Variants in CAMK1D observed in about 807,000 individuals in gnomAD.
The protein encoded by CAMK1D is calcium/calmodulin-dependent protein kinase type 1D.
In CAMK1D, 9 loss-of-function variants were observed where a neutral mutation model predicts 47.7. The observed-to-expected ratio is 0.19, with a 90% confidence interval of 0.11 to 0.33. The LOEUF is 0.33. Ranked by LOEUF, CAMK1D falls within the 10% of genes least tolerant of loss-of-function variation. CAMK1D has a pLI of 1.00. For missense variants in CAMK1D, 291 were observed against 488.7 expected (o/e 0.60, Z 3.81); for synonymous variants, 184 against 184.9 (o/e 0.99, Z 0.04).
intron 1 of CAMK1D, 33 bp downstream of exon 1, chr10:12,349,943 T>C: frequency 1.4e-6 from 2 of 1,385,862 alleles, no homozygotes; most frequent in Non-Finnish European, 2.0e-6. Flanking sequence ...AGGGTGGAGG[T>C]GGCCGCGGCA....
intron 1 of CAMK1D, among the ~76,000 whole-genome samples, chr10:12,507,417 T>C (rs530174087): frequency 7.2e-5 from 11 of 152,236 alleles, no homozygotes; most frequent in Non-Finnish European, 1.5e-4. Flanking sequence ...TAATTTCTGT[T>C]AATCAGATGG....
chr10:12,832,421 A>G lies in CAMK1D; in HGVS notation c.*3534A>G, dbSNP rs1757065. 27,184 of 152,152 alleles carry G rather than the reference A, an allele frequency of 0.18. 2,561 individuals carry two copies. Among genetic ancestry groups the G allele is most frequent in the African/African-American group, 0.22 (9,174 of 41,452 alleles). The allele number at this position is 152,152 out of a possible 1,614,324, so 9.4% of individuals were successfully genotyped here. ...GCAGGGCACACCTAGGAGAAGCTCA[A>G]TGACCACCAAAGCCCTTGAGGAGAG... On this transcript the variant is annotated 3_prime_UTR_variant, in exon 11 of 11. Coordinates refer to ENST00000619168, the MANE Select transcript of CAMK1D (RefSeq NM_153498.4).
chr10:12,595,957 G>A (rs565695503), intron 2 of CAMK1D, among the ~76,000 whole-genome samples: 1 of 151,948 alleles, frequency 6.6e-6, no homozygotes, highest in East Asian at 1.9e-4. Flanking sequence ...GTCTCTGCTT[G>A]GGGGAGAGTC....
intron 1 of CAMK1D, among the ~76,000 whole-genome samples, chr10:12,433,068 G>A (rs890604916): frequency 1.5e-4 from 23 of 152,314 alleles, no homozygotes; most frequent in African/African-American, 5.3e-4. Flanking sequence ...CAGGTGGGGC[G>A]TGAATTACAT....
At chr10:12,663,022 C>A (rs1588752466) in intron 2 of CAMK1D, among the ~76,000 whole-genome samples, 1 of 152,168 alleles carries the variant, frequency 6.6e-6, no homozygotes, top group Admixed American at 6.5e-5. Context: ...AGTGCAATGG[C>A]ACGATCTCAG....
At chr10:12,800,931 T>C (rs1212793328) in intron 6 of CAMK1D, among the ~76,000 whole-genome samples, 1 of 152,150 alleles carries the variant, frequency 6.6e-6, no homozygotes, top group Admixed American at 6.5e-5. Flanking sequence ...TGGTTGTTAG[T>C]GGGTGGTTCT....
At chr10:12,694,121 C>T (rs190569500) in intron 3 of CAMK1D, among the ~76,000 whole-genome samples, 87 of 12,998 alleles carry the variant, frequency 6.7e-3, no homozygotes, top group East Asian at 0.011. Flanking sequence ...ATATATTATG[C>T]ATAATATATA....
At chr10:12,537,291 C>T (rs552908333) in intron 1 of CAMK1D, among the ~76,000 whole-genome samples, 4 of 152,314 alleles carry the variant, frequency 2.6e-5, no homozygotes, top group East Asian at 3.9e-4. Flanking sequence ...AGGCTGGTCT[C>T]GAACTCCTGA....
intron 3 of CAMK1D, among the ~76,000 whole-genome samples, chr10:12,725,001 C>G (rs1398183072): frequency 1.3e-5 from 2 of 152,216 alleles, no homozygotes; most frequent in African/African-American, 4.8e-5. Context: ...TTTCAACAAT[C>G]TAAACTTCAC....
chr10:12,435,020 C>T (rs976716205), intron 1 of CAMK1D, among the ~76,000 whole-genome samples: 6 of 151,964 alleles, frequency 3.9e-5, no homozygotes, highest in Admixed American at 1.3e-4. Flanking sequence ...GAGTTCGAGA[C>T]CATCCTGGCC....
intron 6 of CAMK1D, among the ~76,000 whole-genome samples, chr10:12,805,753 G>A (rs1838700867): frequency 6.6e-6 from 1 of 152,222 alleles, no homozygotes; most frequent in Admixed American, 6.5e-5. Context: ...GTTTGGAGAG[G>A]GACCGAGTCA....
intron 3 of CAMK1D, among the ~76,000 whole-genome samples, chr10:12,737,729 T>G (rs1835249597): frequency 6.6e-6 from 1 of 152,216 alleles, no homozygotes; most frequent in African/African-American, 2.4e-5. Context: ...AATCCTAGAT[T>G]CTACAGCACT....
intron 1 of CAMK1D, among the ~76,000 whole-genome samples, chr10:12,416,175 A>AT (rs993899689): frequency 6.6e-6 from 1 of 151,504 alleles, no homozygotes; most frequent in Non-Finnish European, 1.5e-5. Context: ...TAGCATCTAC[A>AT]TTTTTTTTAG....
At chr10:12,816,401 G>A in intron 8 of CAMK1D, 73 bp downstream of exon 8, 2 of 1,207,628 alleles carry the variant, frequency 1.7e-6, no homozygotes, top group East Asian at 2.4e-5. Flanking sequence ...CTTCCTGTTG[G>A]CCGTTGTCAT....
intron 1 of CAMK1D, among the ~76,000 whole-genome samples, chr10:12,535,437 C>T (rs775615969): frequency 6.6e-6 from 1 of 152,140 alleles, no homozygotes. Context: ...TTAACTCTAC[C>T]CCATTAAGTG....
intron 1 of CAMK1D, among the ~76,000 whole-genome samples, chr10:12,489,499 TAATC>T (rs1287962972): frequency 1.3e-5 from 2 of 152,202 alleles, no homozygotes; most frequent in African/African-American, 4.8e-5. Flanking sequence ...AGGATCATTT[TAATC>T]AAGCGGTAGG....
intron 1 of CAMK1D, among the ~76,000 whole-genome samples, chr10:12,377,896 T>A (rs919287149): frequency 6.6e-6 from 1 of 152,222 alleles, no homozygotes; most frequent in African/African-American, 2.4e-5. Flanking sequence ...CACAGGCAAT[T>A]TCATAGCAAT....
At position 12,834,321 on chromosome 10, in the gene CAMK1D, G is replaced by C. The variant is rs116093591; in HGVS notation, c.*5434G>C. Reference sequence around the variant, plus strand: ...GCTGGCCGAGGCCCGGCCACCTCCCGATGCCTCCAGAGTCAGTGGGAAGGA... The same window carrying C: ...GCTGGCCGAGGCCCGGCCACCTCCCCATGCCTCCAGAGTCAGTGGGAAGGA... On this transcript the variant is annotated 3_prime_UTR_variant, in exon 11 of 11. Transcript: ENST00000619168. The C allele has an allele frequency of 1.3e-5, 2 of 152,294 alleles. No individual in the cohort carries two copies. The highest frequency in any genetic ancestry group is 2.9e-5 in the Non-Finnish European group (2 of 68,108). The allele number at this position is 152,294 out of a possible 1,614,324, so 9.4% of individuals were successfully genotyped here.
intron 1 of CAMK1D, among the ~76,000 whole-genome samples, chr10:12,443,540 T>C (rs1229436062): frequency 1.3e-5 from 2 of 152,202 alleles, no homozygotes; most frequent in East Asian, 3.8e-4. Flanking sequence ...TAGAGTAAAG[T>C]GAAAGCAAGT....
Sources: gnomAD v4.1 joint callset for allele counts (sites outside exome capture counted in the v4.1 genomes callset) on GRCh38, gnomAD v4.1.1 for gene constraint, MANE v1.5 for transcripts, NCBI Gene and HGNC (gene_info 2026-07-23, HGNC 2026-07-21) for gene names.